Variants in RERGL observed in about 807,000 individuals in gnomAD.
RERGL encodes ras-related and estrogen-regulated growth inhibitor-like protein.
RERGL carries 22 observed loss-of-function variants against 24.7 expected under a neutral mutation model. The ratio of observed to expected loss-of-function variants is 0.89; its 90% CI spans 0.64 to 1.27. The LOEUF (loss-of-function observed/expected upper bound fraction) is 1.27, where lower values mean the gene tolerates loss of function less well. Among genes scored for constraint, RERGL ranks in the 50% most tolerant of loss-of-function variants. RERGL has a pLI of 0.00. For synonymous variants in RERGL, 76 were observed against 82.6 expected, an observed-to-expected ratio of 0.92 and a Z score of 0.43; for missense variants, 259 against 235.3, an observed-to-expected ratio of 1.10 and a Z score of -0.66.
At position 18,081,287 on chromosome 12, in the gene RERGL, T is replaced by C. The variant is rs201991905; in HGVS notation, c.519A>G (p.Ile173Met). The change falls in exon 5 of 5, where the codon ATA becomes ATG. Residue 173 changes from isoleucine (I) to methionine (M), a missense_variant. Ile to Met is a conservative substitution (Grantham distance 10). Transcript: ENST00000538724. Reference sequence around the variant, plus strand: ...GTCTCTTTTCTTTGAGTTTGAAGTTTATCAGGATGTCCTTGATAATTCTGA... The same window carrying C: ...GTCTCTTTTCTTTGAGTTTGAAGTTCATCAGGATGTCCTTGATAATTCTGA... ...MFIRIIKDIL[I>M]NFKLKEKRRP... is the part of the protein sequence containing the mutation. 7.7e-5 allele frequency: 124 copies of C among 1,614,052 alleles called. No individual in the cohort carries two copies. Among genetic ancestry groups the C allele is most frequent in the Non-Finnish European group, 9.5e-5 (112 of 1,180,014 alleles).
intron 2 of RERGL, among the ~76,000 whole-genome samples, chr12:18,086,158 C>G (rs1341526833): frequency 6.7e-6 from 1 of 149,406 alleles, no homozygotes; most frequent in African/African-American, 2.4e-5. Context: ...CAGGCGTGAG[C>G]CACCGCGCCC....
At chr12:18,085,768 T>G in intron 2 of RERGL, 75 bp from the exon 3 acceptor site, 1 of 795,146 alleles carries the variant, frequency 1.3e-6, no homozygotes, top group Non-Finnish European at 2.1e-6. Flanking sequence ...CCACTCACAT[T>G]TTAGTGGAAT....
In RERGL at chr12:18,088,899, C is replaced by G; in HGVS notation, c.109+1G>C. On this transcript the variant is annotated splice_donor_variant, in intron 2 of 4. Coordinates refer to ENST00000538724, the MANE Select transcript of RERGL (RefSeq NM_001286201.2). LOFTEE classifies it high-confidence loss of function. The stretch of plus-strand genomic sequence containing the variant: ...TAAAAATGTCTAGAGTAGTGACTTA[C>G]CAAAATTAGAAGCATATTCTCCAAT... 1 of 1,594,608 alleles carries G rather than the reference C, an allele frequency of 6.3e-7. No homozygotes were observed. The highest frequency in any genetic ancestry group is 8.6e-7 in the Non-Finnish European group (1 of 1,162,732).
intron 2 of RERGL, among the ~76,000 whole-genome samples, 155 bp from the exon 3 acceptor site, chr12:18,085,848 C>CTTT (rs1174192368): frequency 7.7e-4 from 91 of 118,614 alleles, no homozygotes; most frequent in African/African-American, 8.7e-4. Flanking sequence ...AGATATGTTT[C>CTTT]TTTTTTTTTT....
intron 2 of RERGL, among the ~76,000 whole-genome samples, chr12:18,086,336 G>A (rs1947222239): frequency 6.6e-6 from 1 of 151,964 alleles, no homozygotes; most frequent in South Asian, 2.1e-4. Flanking sequence ...CTCACCCACT[G>A]AAAGACATGG....
At chr12:18,088,989 T>G (rs757451976) in intron 1 of RERGL, 33 bp from the exon 2 acceptor site, 2 of 1,555,934 alleles carry the variant, frequency 1.3e-6, no homozygotes, top group Non-Finnish European at 1.8e-6. Context: ...TTAGGGCTGT[T>G]ATATTTTAGG....
intron 4 of RERGL, 64 bp downstream of exon 4, chr12:18,084,453 T>C: frequency 6.8e-7 from 1 of 1,469,854 alleles, no homozygotes; most frequent in Non-Finnish European, 9.1e-7. Context: ...CTCTTCCTAA[T>C]GATGCTTACA....
intron 1 of RERGL, 68 bp from the exon 2 acceptor site, chr12:18,089,024 T>C: frequency 7.4e-7 from 1 of 1,346,092 alleles, no homozygotes; most frequent in South Asian, 1.2e-5. Context: ...GTTATGTGCA[T>C]AAGGCTTTAG....
chr12:18,089,307 C>A, intron 1 of RERGL: 1 of 1,586,566 alleles, frequency 6.3e-7, no homozygotes, highest in South Asian at 1.1e-5. Context: ...CTGTCAAACT[C>A]AGTCTGGCTT....
chr12:18,084,561 C>T lies in RERGL; in HGVS notation c.288G>A (p.Ala96=), dbSNP rs371238120. The change falls in exon 4 of 5, where the codon GCG becomes GCA. Residue 96 remains alanine (A), a synonymous_variant. Coordinates refer to ENST00000538724, the MANE Select transcript of RERGL (RefSeq NM_001286201.2). ...GTGGCTCCCGGATTCTGTAGATCAG[C>T]GCTTTTGCAAAAGCAAATGAAGACC... is the stretch of plus-strand genomic sequence containing the variant. The part of the protein sequence containing the change: ...SDRSSFAFAK[A]LIYRIREPQT... 1.8e-4 allele frequency: 285 copies of T among 1,611,588 alleles called. No individual in the cohort carries two copies. Among genetic ancestry groups the T allele is most frequent in the Non-Finnish European group, 2.3e-4 (267 of 1,178,960 alleles).
intron 4 of RERGL, 84 bp from the exon 5 acceptor site, chr12:18,081,557 A>T: frequency 1.6e-6 from 2 of 1,247,310 alleles, no homozygotes; most frequent in Non-Finnish European, 2.2e-6. Context: ...ATTTATAACC[A>T]AAGGATTATA....
At chr12:18,087,737 T>C (rs1947233405) in intron 2 of RERGL, among the ~76,000 whole-genome samples, 1 of 152,168 alleles carries the variant, frequency 6.6e-6, no homozygotes, top group African/African-American at 2.4e-5. Context: ...TTGGATAGCA[T>C]ATCGTTCTGT....
chr12:18,086,761 A>G (rs1246944084), intron 2 of RERGL, among the ~76,000 whole-genome samples: 1 of 152,018 alleles, frequency 6.6e-6, no homozygotes, highest in African/African-American at 2.4e-5. Context: ...TTTCTGATGA[A>G]CCCAACTTAT....
intron 2 of RERGL, 124 bp from the exon 3 acceptor site, chr12:18,085,817 A>G (rs916071668): frequency 3.7e-6 from 2 of 535,040 alleles, no homozygotes; most frequent in Non-Finnish European, 6.6e-6. Flanking sequence ...GACTGAAAGC[A>G]TGTATTTGTT....
intron 1 of RERGL, 41 bp downstream of exon 1, chr12:18,090,048 T>C (rs1335594363): frequency 4.1e-6 from 6 of 1,473,438 alleles, no homozygotes; most frequent in Non-Finnish European, 5.4e-6. Context: ...TTTCTCACTC[T>C]TTCTACACTC....
chr12:18,089,022 C>T (rs1591712286), intron 1 of RERGL, 66 bp from the exon 2 acceptor site: 2 of 1,349,546 alleles, frequency 1.5e-6, no homozygotes, highest in East Asian at 2.3e-5. Context: ...TGGTTATGTG[C>T]ATAAGGCTTT....
intron 4 of RERGL, among the ~76,000 whole-genome samples, chr12:18,081,737 T>C (rs975894913): frequency 6.6e-6 from 1 of 152,170 alleles, no homozygotes; most frequent in African/African-American, 2.4e-5. Context: ...TATTATTGAA[T>C]TCTGGTGCTG....
intron 2 of RERGL, among the ~76,000 whole-genome samples, chr12:18,085,900 T>C (rs1407230097): frequency 6.9e-6 from 1 of 145,282 alleles, no homozygotes; most frequent in Non-Finnish European, 1.5e-5. Context: ...CTCTGTCACC[T>C]GGGCTGGAGT....
In RERGL at chr12:18,088,914, T is replaced by A; in HGVS notation, c.95A>T (p.Tyr32Phe). The A allele has an allele frequency of 6.2e-7, 1 of 1,607,052 alleles. No homozygotes were observed. Among genetic ancestry groups the A allele is most frequent in the Middle Eastern group, 1.7e-4 (1 of 6,034 alleles). Residue 32 changes from tyrosine to phenylalanine, a missense_variant, in exon 2 of 5, where the codon TAT becomes TTT. Tyr to Phe is a conservative substitution (Grantham distance 22). Coordinates refer to ENST00000538724, the MANE Select transcript of RERGL (RefSeq NM_001286201.2). ...TAGTGACTTACCAAAATTAGAAGCA[T>A]ATTCTCCAATGAATCGCTTAGTAAG... ...RFLTKRFIGE[Y>F]ASNFESIYKK...
Sources: gnomAD v4.1 joint callset for allele counts (sites outside exome capture counted in the v4.1 genomes callset) on GRCh38, gnomAD v4.1.1 for gene constraint, MANE v1.5 for transcripts, NCBI Gene and HGNC (gene_info 2026-07-23, HGNC 2026-07-21) for gene names.